Variants in PRDM16 observed in about 807,000 individuals in gnomAD.
PRDM16 encodes the protein histone-lysine N-methyltransferase PRDM16.
In PRDM16, 23 loss-of-function variants were observed where a neutral mutation model predicts 110.6. The observed-to-expected ratio is 0.21, with a 90% confidence interval of 0.15 to 0.29. The LOEUF (loss-of-function observed/expected upper bound fraction) is 0.29, where lower values mean the gene tolerates loss of function less well. Ranked by LOEUF, PRDM16 falls within the 10% of genes least tolerant of loss-of-function variation. The probability of loss-of-function intolerance (pLI) is 1.00; values close to 1 mark genes in which losing one functional copy is unlikely to be tolerated. For synonymous variants in PRDM16, 799 were observed against 781.8 expected (o/e 1.02, Z -0.37); for missense variants, 1,615 against 1,794.3 (o/e 0.90, Z 1.81).
At chr1:3,422,024 A>G (rs1346069858) in intron 12 of PRDM16, among the ~76,000 whole-genome samples, 3 of 150,174 alleles carry the variant, frequency 2.0e-5, no homozygotes, top group Non-Finnish European at 3.0e-5. Flanking sequence ...AGGAAGGCAG[A>G]CAGACAGGTA....
Position 3,438,036 on chromosome 1 carries a change from T to C in PRDM16, c.*4225T>C. On this transcript the variant is annotated 3_prime_UTR_variant, in exon 17 of 17. Coordinates refer to ENST00000270722, the MANE Select transcript of PRDM16 (RefSeq NM_022114.4). The stretch of plus-strand genomic sequence containing the variant: ...TTACAGATTTGGTTTAGTTTTGTTT[T>C]GTTTTGTTTTTTCTTTTAGAACTGT... The C allele has an allele frequency of 4.8e-6, 1 of 209,016 alleles. No individual in the cohort carries two copies. Among genetic ancestry groups the C allele is most frequent in the East Asian group, 7.2e-5 (1 of 13,936 alleles). 12.9% of individuals were successfully genotyped at this position (209,016 alleles called of 1,614,324 possible).
At chr1:3,271,458 A>T (rs1278160520) in intron 3 of PRDM16, among the ~76,000 whole-genome samples, 1 of 152,158 alleles carries the variant, frequency 6.6e-6, no homozygotes, top group East Asian at 1.9e-4. Context: ...CATAAAGAAA[A>T]TGGTAGCCCT....
At chr1:3,373,108 G>A (rs1642932844) in intron 3 of PRDM16, among the ~76,000 whole-genome samples, 1 of 152,202 alleles carries the variant, frequency 6.6e-6, no homozygotes. Context: ...CCAGTGGGGC[G>A]GGGCTGAGCT....
chr1:3,248,740 G>A (rs771463204), intron 3 of PRDM16, among the ~76,000 whole-genome samples: 1 of 152,228 alleles, frequency 6.6e-6, no homozygotes, highest in Non-Finnish European at 1.5e-5. Flanking sequence ...TGTCCAAACA[G>A]GGTGATTGAT....
chr1:3,212,058 A>G (rs551648735), intron 2 of PRDM16, among the ~76,000 whole-genome samples: 1 of 152,216 alleles, frequency 6.6e-6, no homozygotes, highest in East Asian at 1.9e-4. Context: ...TTTGGGAGTG[A>G]CAGTAACAAG....
chr1:3,385,367 G>A (rs1213527461), intron 4 of PRDM16, 81 bp downstream of exon 4: 25 of 1,493,088 alleles, frequency 1.7e-5, no homozygotes, highest in East Asian at 9.1e-5. Context: ...TGGAGGTGCC[G>A]AGGCAAGGGT....
At position 3,245,359 on chromosome 1, in the gene PRDM16, A is replaced by C. The variant is rs1639768099; in HGVS notation, c.438+1222A>C. Among the ~76,000 whole-genome samples, 1 of 152,154 alleles carries C rather than the reference A, an allele frequency of 6.6e-6. No individual in the cohort carries two copies. The highest frequency in any genetic ancestry group is 2.4e-5 in the African/African-American group (1 of 41,438). On this transcript the variant is annotated intron_variant, in intron 3 of 16. Transcript: ENST00000270722. The surrounding 1 kb of genome is among the most constrained non-coding windows in gnomAD (Gnocchi z 4.7). Reference sequence around the variant, plus strand: ...CAGAGCTGCCTACGAGGGACAGGGGACCCACCATCTGGGCAGAGCTATCCG... The same window carrying C: ...CAGAGCTGCCTACGAGGGACAGGGGCCCCACCATCTGGGCAGAGCTATCCG...
chr1:3,221,670 TC>T (rs1255224572), intron 2 of PRDM16, among the ~76,000 whole-genome samples: 1 of 152,160 alleles, frequency 6.6e-6, no homozygotes, highest in Non-Finnish European at 1.5e-5. Flanking sequence ...CCCTGAAATG[TC>T]CACCCTGGGC....
At chr1:3,239,612 T>A (rs61687392) in intron 2 of PRDM16, among the ~76,000 whole-genome samples, 3,945 of 152,230 alleles carry the variant, frequency 0.026, 163 homozygotes, top group African/African-American at 0.09. Flanking sequence ...CAGACCCACA[T>A]CTTTGGGTCC....
At chr1:3,389,782 G>A (rs1400355647) in intron 4 of PRDM16, among the ~76,000 whole-genome samples, 2 of 152,212 alleles carry the variant, frequency 1.3e-5, no homozygotes, top group African/African-American at 4.8e-5. Context: ...CAGCTGCGGG[G>A]ACCGAGCCTT....
chr1:3,385,031 T>C (rs1029954730), intron 3 of PRDM16, 121 bp from the exon 4 acceptor site: 10 of 1,265,362 alleles, frequency 7.9e-6, no homozygotes, highest in Non-Finnish European at 1.1e-5. Context: ...GGCTGAGGTC[T>C]GGACGCCGAC....
At chr1:3,161,094 C>A (rs185212948) in intron 1 of PRDM16, among the ~76,000 whole-genome samples, 8 of 152,324 alleles carry the variant, frequency 5.3e-5, no homozygotes, top group African/African-American at 1.9e-4. Context: ...ACTCCCTGCC[C>A]CAGCCCTTTC....
chr1:3,161,722 C>A (rs1643898504), intron 1 of PRDM16, among the ~76,000 whole-genome samples: 1 of 152,162 alleles, frequency 6.6e-6, no homozygotes, highest in African/African-American at 2.4e-5. Context: ...GATTCTTTTT[C>A]TTGAAATACC....
intron 1 of PRDM16, among the ~76,000 whole-genome samples, chr1:3,084,191 G>A (rs1243048355): frequency 2.6e-5 from 4 of 152,198 alleles, no homozygotes; most frequent in South Asian, 2.1e-4. Context: ...CTGGGACTGC[G>A]GTCCTGGCGG....
At chr1:3,406,867 C>T (rs149081225) in intron 8 of PRDM16, among the ~76,000 whole-genome samples, 1 of 152,242 alleles carries the variant, frequency 6.6e-6, no homozygotes, top group Admixed American at 6.5e-5. Flanking sequence ...AGGGTCCTGT[C>T]TGCTGGGCCT....
At chr1:3,144,241 C>T (rs1643604127) in intron 1 of PRDM16, among the ~76,000 whole-genome samples, 1 of 152,188 alleles carries the variant, frequency 6.6e-6, no homozygotes, top group Non-Finnish European at 1.5e-5. Flanking sequence ...CCCGGCCCCA[C>T]AGGGACCCAG....
At chr1:3,295,625 C>T (rs1438336455) in intron 3 of PRDM16, among the ~76,000 whole-genome samples, 2 of 152,166 alleles carry the variant, frequency 1.3e-5, no homozygotes, top group East Asian at 3.9e-4. Context: ...TCCCTCCCAC[C>T]GGTAGCAGCA....
intron 3 of PRDM16, among the ~76,000 whole-genome samples, chr1:3,315,148 C>T (rs987024321): frequency 8.5e-4 from 129 of 151,574 alleles, no homozygotes; most frequent in African/African-American, 2.7e-3. Flanking sequence ...CTTTCTCCCC[C>T]GCTTCACTCC....
At position 3,226,295 on chromosome 1, in the gene PRDM16, G is replaced by A. The variant is rs138837984; in HGVS notation, c.388-17792G>A. Among the ~76,000 whole-genome samples the A allele has an allele frequency of 1.4e-3, 220 of 152,330 alleles. 2 individuals carry two copies. The highest frequency in any genetic ancestry group is 7.3e-3 in the South Asian group (35 of 4,818). On this transcript the variant is annotated intron_variant, in intron 2 of 16. Coordinates refer to ENST00000270722, the MANE Select transcript of PRDM16 (RefSeq NM_022114.4). ...GGAACACCGAGGGGCACACGGGGAC[G>A]TTGACATGTTGTGGTGGGGTCATTC...
Sources: allele counts gnomAD v4.1 joint callset (sites outside exome capture counted in the v4.1 genomes callset), GRCh38; gene constraint gnomAD v4.1.1; non-coding constraint Gnocchi (gnomAD v3.1); transcripts MANE v1.5; gene names NCBI Gene and HGNC (gene_info 2026-07-23, HGNC 2026-07-21).